The following HESX1 variants were observed in gnomAD, a reference collection of about 807,000 sequenced individuals.
The protein encoded by HESX1 is homeobox expressed in ES cells 1.
In HESX1, 11 loss-of-function variants were observed where a neutral mutation model predicts 22.5. The ratio of observed to expected loss-of-function variants is 0.49; its 90% CI spans 0.31 to 0.81. HESX1 has a LOEUF of 0.81. Ranked by LOEUF, HESX1 falls within the 30% of genes least tolerant of loss-of-function variation. The pLI, the probability that HESX1 is intolerant of heterozygous loss-of-function variation, is 0.05. For missense variants in HESX1, 201 were observed against 212.6 expected (o/e 0.95, Z 0.34); for synonymous variants, 74 against 76.5 (o/e 0.97, Z 0.17).
chr3:57,213,146 C>A (rs2060565491), intron 1 of HESX1, among the ~76,000 whole-genome samples: 1 of 152,120 alleles, frequency 6.6e-6, no homozygotes, highest in African/African-American at 2.4e-5. Context: ...ATAATTTTAT[C>A]AATCTATACC....
chr3:57,200,301 T>G (rs573152135), upstream of HESX1, among the ~76,000 whole-genome samples: 3 of 152,346 alleles, frequency 2.0e-5, no homozygotes, highest in Non-Finnish European at 4.4e-5. Context: ...AAGCTTTTTA[T>G]TCTGAAGTTT....
rs750212656 is a variant in HESX1, at chr3:57,198,497, G to GA, written c.358-6dup. ...GACATTTTCTAACACTTCAATCTAA[G>GA]AAAAAAAAATGTTGATATTCAGTAT... On this transcript the variant is annotated splice_region_variant and splice_polypyrimidine_tract_variant and intron_variant, in intron 2 of 3. Coordinates refer to ENST00000295934, the MANE Select transcript of HESX1 (RefSeq NM_003865.3). 5.9e-4 allele frequency: 874 copies of GA among 1,488,938 alleles called. No individual in the cohort carries two copies. Among genetic ancestry groups the GA allele is most frequent in the Non-Finnish European group, 6.9e-4 (741 of 1,080,076 alleles). The allele number at this position is 1,488,938 out of a possible 1,614,324, so 92.2% of individuals were successfully genotyped here.
At chr3:57,202,651 T>C (rs982634119), upstream of HESX1, among the ~76,000 whole-genome samples, 2 of 152,136 alleles carry the variant, frequency 1.3e-5, no homozygotes, top group Non-Finnish European at 2.9e-5. Context: ...CAACAGACTT[T>C]TACAGGGCAC....
At chr3:57,217,059 C>G (rs1167995536) in intron 1 of HESX1, among the ~76,000 whole-genome samples, 1 of 152,140 alleles carries the variant, frequency 6.6e-6, no homozygotes, top group African/African-American at 2.4e-5. Context: ...TCTGGCACAA[C>G]AAGATGTCCC....
chr3:57,198,289 A>G lies in HESX1; in HGVS notation c.466T>C (p.Phe156Leu). Residue 156 changes from phenylalanine to leucine, a missense_variant, in exon 4 of 4, where the codon TTT becomes CTT. By Grantham distance (22) the Phe-to-Leu change is conservative (BLOSUM62 0). Coordinates refer to ENST00000295934, the MANE Select transcript of HESX1 (RefSeq NM_003865.3). ...TTCAGTTTTGCACGCCGATTTTGAA[A>G]CCAAATCTAAAGTTAAGGAAAAATA... ...NLEEDRIQIW[F>L]QNRRAKLKRS... The G allele has an allele frequency of 1.9e-6, 3 of 1,612,094 alleles. No individual in the cohort carries two copies. Among genetic ancestry groups the G allele is most frequent in the Non-Finnish European group, 2.5e-6 (3 of 1,178,444 alleles).
rs1367673380 is a variant in HESX1 at position 57,198,747 on chromosome 3, T to C, written c.357+6A>G. 1 of 1,613,336 alleles carries C rather than the reference T, an allele frequency of 6.2e-7. No individual in the cohort carries two copies. Among genetic ancestry groups the C allele is most frequent in the Admixed American group, 1.7e-5 (1 of 59,996 alleles). ...ATTATCATTATTGGGTGAAAAAACT[T>C]CCCACCTGGTTTTGAGTAAAAGCAG... On this transcript the variant is annotated splice_donor_region_variant and intron_variant, in intron 2 of 3. Transcript: ENST00000295934.
intron 1 of HESX1, among the ~76,000 whole-genome samples, chr3:57,220,588 G>A (rs908349180): frequency 1.3e-5 from 2 of 151,776 alleles, no homozygotes; most frequent in African/African-American, 2.4e-5. Context: ...CACCACCACT[G>A]CCCATCTAAT....
At chr3:57,200,619 T>G (rs1277646637), upstream of HESX1, among the ~76,000 whole-genome samples, 1 of 152,222 alleles carries the variant, frequency 6.6e-6, no homozygotes, top group Non-Finnish European at 1.5e-5. Context: ...TTGCACCAAG[T>G]ATTTTAAATA....
chr3:57,209,255 C>T (rs754052224), intron 1 of HESX1, among the ~76,000 whole-genome samples: 2 of 152,110 alleles, frequency 1.3e-5, no homozygotes, highest in Admixed American at 6.5e-5. Flanking sequence ...ACATGGCTAG[C>T]GGCTCCAAAC....
upstream of HESX1, among the ~76,000 whole-genome samples, chr3:57,202,403 T>C (rs2060495645): frequency 6.6e-6 from 1 of 152,064 alleles, no homozygotes; most frequent in Non-Finnish European, 1.5e-5. Flanking sequence ...TGGCGTGATC[T>C]CGGCTCACTG....
chr3:57,208,884 T>C (rs554117632), intron 1 of HESX1, among the ~76,000 whole-genome samples: 81 of 151,396 alleles, frequency 5.4e-4, no homozygotes, highest in Middle Eastern at 3.4e-3. Flanking sequence ...TAGCTTGAAC[T>C]GGGGAGGCGA....
Position 57,198,132 on chromosome 3 carries a change from T to C in HESX1, c.*65A>G. The stretch of plus-strand genomic sequence containing the variant: ...AAAGAAAACATCACATTTTAACACT[T>C]AATATTTCCACTGATTCTTCATGCT... On this transcript the variant is annotated 3_prime_UTR_variant, in exon 4 of 4. Coordinates refer to ENST00000295934, the MANE Select transcript of HESX1 (RefSeq NM_003865.3). 1 of 1,014,100 alleles carries C rather than the reference T, an allele frequency of 9.9e-7. No individual in the cohort carries two copies. The highest frequency in any genetic ancestry group is 1.6e-6 in the Non-Finnish European group (1 of 642,562). 62.8% of individuals were successfully genotyped at this position (1,014,100 alleles called of 1,614,324 possible). A position where few individuals can be genotyped will look rare whatever the true frequency, so the allele number is the denominator to read the frequency against.
intron 1 of HESX1, among the ~76,000 whole-genome samples, chr3:57,209,864 T>G (rs766766436): frequency 9.2e-5 from 14 of 152,212 alleles, no homozygotes; most frequent in Non-Finnish European, 1.8e-4. Flanking sequence ...GCTTTATTGC[T>G]TCTCCAGCAT....
rs748443573 is a variant in HESX1, at chr3:57,199,734, G to T, written c.157+28C>A. 6 of 1,610,580 alleles carry T rather than the reference G, an allele frequency of 3.7e-6. No homozygotes were observed. The Admixed American group carries it at 6.7e-5, about 18-fold the overall frequency. On this transcript the variant is annotated intron_variant, in intron 1 of 3. Transcript: ENST00000295934. ...TAAACACTGTAAATGAAATAACAAA[G>T]AATTGAAACAATTAAGCTGTGGCAT...
intron 1 of HESX1, among the ~76,000 whole-genome samples, chr3:57,220,521 C>G (rs1179168714): frequency 6.6e-6 from 1 of 152,112 alleles, no homozygotes; most frequent in Non-Finnish European, 1.5e-5. Flanking sequence ...CCTCTGCCCC[C>G]CAGGCTCAAG....
upstream of HESX1, among the ~76,000 whole-genome samples, chr3:57,200,515 G>C (rs984531489): frequency 1.3e-5 from 2 of 152,188 alleles, no homozygotes; most frequent in Admixed American, 1.3e-4. Flanking sequence ...AAACACAATA[G>C]TATTTGGAGT....
upstream of HESX1, among the ~76,000 whole-genome samples, chr3:57,227,044 C>G (rs945573541): frequency 2.0e-4 from 30 of 152,194 alleles, no homozygotes; most frequent in African/African-American, 7.2e-4. Context: ...CATAATTAAT[C>G]AGTGTATCCT....
chr3:57,208,512 A>G (rs2060533082), intron 1 of HESX1, among the ~76,000 whole-genome samples: 1 of 151,598 alleles, frequency 6.6e-6, no homozygotes, highest in Admixed American at 6.6e-5. Flanking sequence ...ATACCCGGAT[A>G]ATTTTTGTAT....
At chr3:57,225,572 A>C (rs1579370980) in intron 1 of HESX1, among the ~76,000 whole-genome samples, 2 of 151,730 alleles carry the variant, frequency 1.3e-5, no homozygotes, top group Admixed American at 1.3e-4. Context: ...CCATCTCTTG[A>C]CCTCTTGATC....
Sources: gnomAD v4.1 joint callset for allele counts (sites outside exome capture counted in the v4.1 genomes callset) on GRCh38, gnomAD v4.1.1 for gene constraint, MANE v1.5 for transcripts, NCBI Gene and HGNC (gene_info 2026-07-23, HGNC 2026-07-21) for gene names.